Variants in GPHN observed in about 807,000 individuals in gnomAD.
GPHN encodes the protein gephyrin.
GPHN carries 17 observed loss-of-function variants against 95.5 expected under a neutral mutation model. The ratio of observed to expected loss-of-function variants is 0.18; its 90% CI spans 0.12 to 0.27. GPHN has a LOEUF of 0.27. Among genes scored for constraint, GPHN ranks in the 10% least tolerant of loss-of-function variants. The pLI, the probability that GPHN is intolerant of heterozygous loss-of-function variation, is 1.00. For synonymous variants in GPHN, 320 were observed against 322.5 expected (o/e 0.99, Z 0.08); for missense variants, 660 against 978.1 (o/e 0.67, Z 4.34).
chr14:66,605,525 C>T (rs577433541), intron 1 of GPHN, among the ~76,000 whole-genome samples: 134 of 137,000 alleles, frequency 9.8e-4, no homozygotes, highest in Middle Eastern at 3.7e-3. Context: ...TATCCTTTGC[C>T]GATTTTTTTT....
At chr14:66,618,662 A>G (rs1359076519) in intron 1 of GPHN, among the ~76,000 whole-genome samples, 1 of 152,170 alleles carries the variant, frequency 6.6e-6, no homozygotes, top group East Asian at 1.9e-4. Flanking sequence ...TTCATAAAGT[A>G]AGTTGAGAAT....
chr14:66,910,428 G>A (rs1258838402), intron 5 of GPHN, among the ~76,000 whole-genome samples: 1 of 151,840 alleles, frequency 6.6e-6, no homozygotes, highest in East Asian at 1.9e-4. Context: ...GTCAGGAGAA[G>A]CAGCAACAGT....
chr14:67,579,289 A>G, the GPHN span: 2 of 1,554,976 alleles, frequency 1.3e-6, no homozygotes, highest in Admixed American at 4.2e-5. Flanking sequence ...ATCCCCGTGC[A>G]CTTTACCAAC....
chr14:67,577,994 T>C, the GPHN span: 2 of 1,599,588 alleles, frequency 1.3e-6, no homozygotes, highest in South Asian at 1.1e-5. Context: ...GATGCTGGTC[T>C]GCCTGTGCTC....
the GPHN span, among the ~76,000 whole-genome samples, chr14:67,449,298 G>A: frequency 6.6e-6 from 1 of 152,210 alleles, no homozygotes; most frequent in Non-Finnish European, 1.5e-5. Flanking sequence ...TGTGAAGGAG[G>A]ATAGAGGCTG....
chr14:67,337,553 T>A, the GPHN span: 1 of 151,156 alleles, frequency 6.6e-6, no homozygotes, highest in Non-Finnish European at 1.5e-5. Context: ...ACCTGGACTG[T>A]GATGTCACTT....
intron 13 of GPHN, among the ~76,000 whole-genome samples, chr14:67,106,403 C>CT (rs1400847979): frequency 6.6e-6 from 1 of 152,014 alleles, no homozygotes; most frequent in East Asian, 1.9e-4. Flanking sequence ...ATGCCTTTTC[C>CT]TTTCTTTTTT....
the GPHN span, among the ~76,000 whole-genome samples, chr14:67,353,479 T>TTTGTTG: frequency 3.3e-5 from 5 of 151,716 alleles, no homozygotes; most frequent in Non-Finnish European, 5.9e-5. Context: ...CAAGACTCCT[T>TTTGTTG]TTGTTGTTGT....
chr14:67,541,162 G>T, the GPHN span, among the ~76,000 whole-genome samples: 1 of 152,136 alleles, frequency 6.6e-6, no homozygotes, highest in African/African-American at 2.4e-5. Context: ...GATTGTCAAA[G>T]ACATTCAAAG....
At chr14:67,543,781 CAA>C in the GPHN span, among the ~76,000 whole-genome samples, 6 of 148,988 alleles carry the variant, frequency 4.0e-5, no homozygotes, top group Middle Eastern at 6.9e-3. Context: ...AACAAAATAA[CAA>C]AAAAAAAACC....
At chr14:67,690,719 C>T in the GPHN span, 3 of 413,344 alleles carry the variant, frequency 7.3e-6, no homozygotes, top group East Asian at 1.0e-4. Context: ...TGCGGTGGCT[C>T]ACGCCGGTAA....
At chr14:67,648,051 C>A in the GPHN span, 104 of 1,610,020 alleles carry the variant, frequency 6.5e-5, no homozygotes, top group Non-Finnish European at 8.8e-5. Context: ...TTTTAGGAGA[C>A]AAAGACCAAT....
At chr14:67,083,124 T>C (rs139378890) in intron 11 of GPHN, among the ~76,000 whole-genome samples, 1 of 152,278 alleles carries the variant, frequency 6.6e-6, no homozygotes, top group African/African-American at 2.4e-5. Context: ...GAAATAAAAA[T>C]TGCAATTCTT....
chr14:66,837,884 C>T (rs1052103511), intron 4 of GPHN, among the ~76,000 whole-genome samples: 1 of 151,770 alleles, frequency 6.6e-6, no homozygotes, highest in Non-Finnish European at 1.5e-5. Context: ...TTTATGGGGC[C>T]CTATGGATAC....
chr14:66,835,292 T>C lies in GPHN; in HGVS notation c.294+10726T>C, dbSNP rs1279308573. 8.0e-5 allele frequency among the ~76,000 whole-genome samples: 12 copies of C among 150,644 alleles called. No homozygotes were observed. The East Asian group carries it at 1.2e-3, about 15-fold the overall frequency. ...CTGATTTTAGTTATTTCTTGCCTTC[T>C]GCTAGCTTTTGAATGTGTTTGCTCT... On this transcript the variant is annotated intron_variant, in intron 4 of 22. Transcript: ENST00000478722.
chr14:66,916,814 G>T (rs1049216459), intron 6 of GPHN, among the ~76,000 whole-genome samples: 11 of 152,126 alleles, frequency 7.2e-5, no homozygotes, highest in African/African-American at 2.7e-4. Flanking sequence ...TTAATTCTTT[G>T]CTGTACAAGC....
chr14:66,521,510 A>G (rs2058482823), intron 1 of GPHN, among the ~76,000 whole-genome samples: 1 of 152,152 alleles, frequency 6.6e-6, no homozygotes, highest in South Asian at 2.1e-4. Flanking sequence ...AATAACAGAA[A>G]TTTATTTCTT....
Position 67,144,276 on chromosome 14 carries a change from T to TAC in GPHN, c.1836+828_1836+829insCA, listed in dbSNP as rs1567401052. ...ATATATATATATATATATATATATATATATATATATACACACACACATACA... is the reference window on the plus strand; with the variant it reads ...ATATATATATATATATATATATATATACATATATATATACACACACACATACA... On this transcript the variant is annotated intron_variant, in intron 18 of 22. Coordinates refer to ENST00000478722, the MANE Select transcript of GPHN (RefSeq NM_020806.5). Among the ~76,000 whole-genome samples the TAC allele has an allele frequency of 1.7e-3, 186 of 109,118 alleles. 14 individuals are homozygous for TAC. Among genetic ancestry groups the TAC allele is most frequent in the African/African-American group, 6.4e-3 (169 of 26,576 alleles). 71.6% of individuals were successfully genotyped at this position (109,118 alleles called of 152,430 possible).
intron 9 of GPHN, among the ~76,000 whole-genome samples, chr14:67,015,429 T>C (rs547469514): frequency 1.3e-5 from 2 of 152,310 alleles, no homozygotes; most frequent in East Asian, 1.9e-4. Flanking sequence ...CCAGGCGCTG[T>C]GGCTCAAGCC....
Sources: allele counts gnomAD v4.1 joint callset (sites outside exome capture counted in the v4.1 genomes callset), GRCh38; gene constraint gnomAD v4.1.1; transcripts MANE v1.5; gene names NCBI Gene and HGNC (gene_info 2026-07-23, HGNC 2026-07-21).